NALCN: variants seen among roughly 807,000 people sequenced by gnomAD.
NALCN encodes sodium leak channel, non-selective, also known as sodium leak channel NALCN.
In NALCN, 111 loss-of-function variants were observed where a neutral mutation model predicts 225.3. The observed-to-expected ratio is 0.49, with a 90% CI of 0.42 to 0.58. The LOEUF is 0.58. Ranked by LOEUF, NALCN falls within the 20% of genes least tolerant of loss-of-function variation. NALCN has a pLI of 0.00. For missense variants in NALCN, 1,378 were observed against 2,202.4 expected, an observed-to-expected ratio of 0.63 and a Z score of 7.49; for synonymous variants, 764 against 769.0, an observed-to-expected ratio of 0.99 and a Z score of 0.11.
At chr13:101,075,977 G>A in intron 34 of NALCN, 36 bp from the exon 35 acceptor site, 2 of 1,574,084 alleles carry the variant, frequency 1.3e-6, no homozygotes, top group African/African-American at 1.4e-5. Context: ...CTCATAATTT[G>A]CACAAAAGAT....
intron 13 of NALCN, among the ~76,000 whole-genome samples, chr13:101,212,103 T>C (rs1442287798): frequency 6.6e-6 from 1 of 152,190 alleles, no homozygotes; most frequent in Non-Finnish European, 1.5e-5. Context: ...TTTGGTCATA[T>C]GTCCCTCCAT....
intron 6 of NALCN, among the ~76,000 whole-genome samples, chr13:101,364,481 C>T (rs2046329834): frequency 6.6e-6 from 1 of 152,050 alleles, no homozygotes; most frequent in African/African-American, 2.4e-5. Flanking sequence ...AAGCCAAGCA[C>T]AGAAAGACAA....
intron 1 of NALCN, among the ~76,000 whole-genome samples, chr13:101,410,535 C>T (rs2047750924): frequency 6.6e-6 from 1 of 152,164 alleles, no homozygotes; most frequent in Non-Finnish European, 1.5e-5. Flanking sequence ...GCATTGTATA[C>T]AGGAATTAAA....
intron 17 of NALCN, among the ~76,000 whole-genome samples, chr13:101,129,883 C>T (rs1259742886): frequency 1.3e-5 from 2 of 151,914 alleles, no homozygotes; most frequent in African/African-American, 2.4e-5. Flanking sequence ...CCCCCCACCC[C>T]GATAGCACCC....
At chr13:101,324,435 C>A (rs1273682476) in intron 7 of NALCN, among the ~76,000 whole-genome samples, 1 of 152,138 alleles carries the variant, frequency 6.6e-6, no homozygotes, top group East Asian at 1.9e-4. Flanking sequence ...TCCCCAACAA[C>A]TTTAGTTTTT....
At chr13:101,338,534 C>T (rs1186879619) in intron 7 of NALCN, among the ~76,000 whole-genome samples, 1 of 152,142 alleles carries the variant, frequency 6.6e-6, no homozygotes, top group Non-Finnish European at 1.5e-5. Context: ...CAAATAACCA[C>T]CTGAATAGTT....
chr13:101,366,630 T>A (rs2046383827), intron 6 of NALCN, among the ~76,000 whole-genome samples: 1 of 152,170 alleles, frequency 6.6e-6, no homozygotes. Flanking sequence ...ATAATACATT[T>A]TTTAAATAAT....
At chr13:101,272,735 T>C (rs1313451918) in intron 10 of NALCN, among the ~76,000 whole-genome samples, 1 of 152,172 alleles carries the variant, frequency 6.6e-6, no homozygotes, top group Non-Finnish European at 1.5e-5. Flanking sequence ...TTTGTGGGAA[T>C]GGGCTGGGGA....
intron 6 of NALCN, among the ~76,000 whole-genome samples, chr13:101,370,164 C>G (rs2046497092): frequency 6.6e-6 from 1 of 152,154 alleles, no homozygotes; most frequent in Admixed American, 6.5e-5. Flanking sequence ...ACAATATCCT[C>G]TTTACCTTTC....
chr13:101,170,340 C>T (rs987570594), intron 15 of NALCN, among the ~76,000 whole-genome samples: 1 of 152,126 alleles, frequency 6.6e-6, no homozygotes, highest in Non-Finnish European at 1.5e-5. Context: ...TTCAGCTTTC[C>T]TCCACCTTTT....
intron 15 of NALCN, among the ~76,000 whole-genome samples, chr13:101,168,161 C>T (rs1230535583): frequency 2.6e-5 from 4 of 152,140 alleles, no homozygotes; most frequent in East Asian, 3.9e-4. Flanking sequence ...ACTTCTCATA[C>T]ACATTTTGGC....
intron 6 of NALCN, among the ~76,000 whole-genome samples, chr13:101,346,331 G>T (rs1436311324): frequency 1.3e-5 from 2 of 151,926 alleles, no homozygotes; most frequent in Non-Finnish European, 2.9e-5. Context: ...CTACAGATTT[G>T]CAAAGAACGT....
chr13:101,228,483 CT>C (rs2041231347), intron 13 of NALCN, among the ~76,000 whole-genome samples: 1 of 152,068 alleles, frequency 6.6e-6, no homozygotes, highest in African/African-American at 2.4e-5. Context: ...GGTTTCCCCC[CT>C]GCTGCTCTTG....
rs2042299573 is a variant in NALCN, at chr13:101,258,120, GAAAC to G, written c.1266+319_1266+322del. On this transcript the variant is annotated intron_variant, in intron 11 of 43. Transcript: ENST00000251127. ...ATCTGTGCCTGCTTGTACTTAGTAG[GAAAC>G]AAACTAATGTACGCTGAGAAAGGGA... is the stretch of plus-strand genomic sequence containing the variant. 2.0e-5 allele frequency among the ~76,000 whole-genome samples: 3 copies of G among 152,054 alleles called. No individual in the cohort carries two copies. In the South Asian group the frequency reaches 6.2e-4, roughly 32 times the overall value.
chr13:101,153,415 C>T (rs1310537876), intron 15 of NALCN, among the ~76,000 whole-genome samples: 1 of 152,152 alleles, frequency 6.6e-6, no homozygotes, highest in Non-Finnish European at 1.5e-5. Context: ...GACAACTCAA[C>T]CTCTCCCTCT....
At position 101,311,020 on chromosome 13, in the gene NALCN, T is replaced by A. The variant is rs542448732; in HGVS notation, c.800-18654A>T. Among the ~76,000 whole-genome samples, 3 of 152,068 alleles carry A rather than the reference T, an allele frequency of 2.0e-5. No individual in the cohort carries two copies. The East Asian group carries it at 5.8e-4, about 29-fold the overall frequency. On this transcript the variant is annotated intron_variant, in intron 7 of 43. Coordinates refer to ENST00000251127, the MANE Select transcript of NALCN (RefSeq NM_052867.4). ...TGGAATGTTCTTCCATTTGTTTGTA[T>A]CCTCTTTTATTTCATTGAGCAGTGG...
At chr13:101,094,725 C>T (rs1213388968) in intron 28 of NALCN, among the ~76,000 whole-genome samples, 1 of 151,934 alleles carries the variant, frequency 6.6e-6, no homozygotes, top group Non-Finnish European at 1.5e-5. Context: ...CGTATAAAAG[C>T]GAATTTCATA....
At chr13:101,191,346 A>G (rs932500798) in intron 14 of NALCN, among the ~76,000 whole-genome samples, 1 of 152,228 alleles carries the variant, frequency 6.6e-6, no homozygotes, top group African/African-American at 2.4e-5. Context: ...GTGTGACAGA[A>G]GTCGGTTCTT....
intron 34 of NALCN, among the ~76,000 whole-genome samples, chr13:101,079,660 A>G (rs2033495245): frequency 6.6e-6 from 1 of 152,234 alleles, no homozygotes. Context: ...TTTCTAGGAT[A>G]TAAGGTTCAC....
Sources: gnomAD v4.1 joint callset for allele counts (sites outside exome capture counted in the v4.1 genomes callset) on GRCh38, gnomAD v4.1.1 for gene constraint, MANE v1.5 for transcripts, NCBI Gene and HGNC (gene_info 2026-07-23, HGNC 2026-07-21) for gene names.